The following CDK17 variants were observed in gnomAD, a reference collection of about 807,000 sequenced individuals.
The protein encoded by CDK17 is cyclin-dependent kinase 17.
CDK17 carries 24 observed loss-of-function variants against 77.6 expected under a neutral mutation model. The ratio of observed to expected loss-of-function variants is 0.31; its 90% CI spans 0.22 to 0.44. CDK17 has a LOEUF of 0.44. CDK17 is among the 20% of genes least tolerant of loss of function. The probability of loss-of-function intolerance (pLI) is 1.00; values close to 1 mark genes in which losing one functional copy is unlikely to be tolerated. For synonymous variants in CDK17, 203 were observed against 210.4 expected (o/e 0.96, Z 0.30); for missense variants, 429 against 622.5 (o/e 0.69, Z 3.31).
chr12:96,308,731 A>T (rs201014913), intron 5 of CDK17, among the ~76,000 whole-genome samples: 7 of 132,572 alleles, frequency 5.3e-5, no homozygotes, highest in Non-Finnish European at 9.6e-5. Flanking sequence ...CCGTCTCCAA[A>T]AATAATAATA....
At chr12:96,379,561 G>C (rs1953842538) in intron 1 of CDK17, among the ~76,000 whole-genome samples, 1 of 151,828 alleles carries the variant, frequency 6.6e-6, no homozygotes, top group Non-Finnish European at 1.5e-5. Context: ...GAGTAACTAG[G>C]ACTGCAGGCA....
Position 96,316,632 on chromosome 12 carries a change from A to G in CDK17, c.284-3178T>C, listed in dbSNP as rs572186577. On this transcript the variant is annotated intron_variant, in intron 3 of 16. Transcript: ENST00000261211. ...CTGAGAACGGGCAGACTGCCTCCTC[A>G]AGTGGGTCCCTGACCCCCTGACCCC... Among the ~76,000 whole-genome samples the G allele has an allele frequency of 1.1e-4, 14 of 132,752 alleles. 1 individual carries two copies. Among genetic ancestry groups the G allele is most frequent in the South Asian group, 2.4e-4 (1 of 4,254 alleles). The allele number at this position is 132,752 out of a possible 152,430, so 87.1% of individuals were successfully genotyped here. A position where few individuals can be genotyped will look rare whatever the true frequency, so the allele number is the denominator to read the frequency against.
intron 2 of CDK17, among the ~76,000 whole-genome samples, chr12:96,329,010 T>G (rs1045590643): frequency 2.0e-5 from 3 of 152,186 alleles, no homozygotes; most frequent in Admixed American, 6.5e-5. Context: ...ATGGAAACCT[T>G]GGCGACAATA....
chr12:96,288,825 A>G (rs1346335092), intron 11 of CDK17, among the ~76,000 whole-genome samples: 1 of 152,210 alleles, frequency 6.6e-6, no homozygotes, highest in East Asian at 1.9e-4. Flanking sequence ...TATGTATCAG[A>G]TACTCTTGAG....
rs147377452 is a variant in CDK17, at chr12:96,361,834, T to C, written c.-29-26969A>G. On this transcript the variant is annotated intron_variant, in intron 1 of 16. Coordinates refer to ENST00000261211, the MANE Select transcript of CDK17 (RefSeq NM_002595.5). ...TGTGAAAACTTGAAACTCTCACTTA[T>C]TCAAAAATCATCAGAAGAGAAGATT... 1.7e-3 allele frequency among the ~76,000 whole-genome samples: 262 copies of C among 152,356 alleles called. 4 individuals are homozygous for C. Among genetic ancestry groups the C allele is most frequent in the Admixed American group, 0.011 (176 of 15,306 alleles).
chr12:96,381,231 C>T (rs900990863), intron 1 of CDK17, among the ~76,000 whole-genome samples: 27 of 152,274 alleles, frequency 1.8e-4, no homozygotes, highest in Non-Finnish European at 1.3e-4. Flanking sequence ...GATAACATTT[C>T]AAGGGCGATA....
intron 1 of CDK17, among the ~76,000 whole-genome samples, chr12:96,350,536 T>G (rs545052121): frequency 6.6e-6 from 1 of 152,210 alleles, no homozygotes; most frequent in South Asian, 2.1e-4. Context: ...TAGATATATA[T>G]AGACCAACAG....
chr12:96,338,846 GCA>G (rs1953084144), intron 1 of CDK17, among the ~76,000 whole-genome samples: 1 of 150,516 alleles, frequency 6.6e-6, no homozygotes, highest in Non-Finnish European at 1.5e-5. Context: ...ATTTTTAAGT[GCA>G]GTTTCAGTGG....
intron 1 of CDK17, among the ~76,000 whole-genome samples, chr12:96,347,579 AGGGGAGGGG>A (rs1953235515): frequency 1.8e-5 from 1 of 54,800 alleles, no homozygotes; most frequent in East Asian, 6.5e-4. Context: ...AAGGGAAGGG[AGGGGAGGGG>A]AGGGGAAGGG....
At chr12:96,341,421 T>C (rs774390366) in intron 1 of CDK17, among the ~76,000 whole-genome samples, 1 of 152,108 alleles carries the variant, frequency 6.6e-6, no homozygotes, top group East Asian at 1.9e-4. Context: ...CTTTTTGTAA[T>C]ACTTAGATCA....
intron 10 of CDK17, among the ~76,000 whole-genome samples, chr12:96,291,474 T>C (rs1283753031): frequency 2.6e-5 from 4 of 152,086 alleles, no homozygotes; most frequent in East Asian, 3.9e-4. Flanking sequence ...AAATTTTTTA[T>C]AGAGGCAGGT....
At chr12:96,281,368 C>T (rs1026509563) in intron 15 of CDK17, among the ~76,000 whole-genome samples, 2 of 152,168 alleles carry the variant, frequency 1.3e-5, no homozygotes, top group Non-Finnish European at 2.9e-5. Context: ...TAATGAAACA[C>T]AAATACCTTT....
intron 5 of CDK17, among the ~76,000 whole-genome samples, chr12:96,309,214 C>T (rs1464268482): frequency 1.3e-5 from 2 of 152,192 alleles, no homozygotes; most frequent in Admixed American, 6.5e-5. Context: ...AACATGACAT[C>T]TACACCCAAA....
chr12:96,394,118 C>T (rs982537946), intron 1 of CDK17, among the ~76,000 whole-genome samples: 2 of 151,656 alleles, frequency 1.3e-5, no homozygotes, highest in Non-Finnish European at 1.5e-5. Context: ...TGGTGGTGCA[C>T]GCCTGTAATC....
chr12:96,308,971 TTCTC>T (rs540708375), intron 5 of CDK17, among the ~76,000 whole-genome samples: 89 of 152,182 alleles, frequency 5.8e-4, no homozygotes, highest in African/African-American at 1.9e-3. Flanking sequence ...CCTCTAGTCT[TTCTC>T]TCTAATTCAT....
intron 1 of CDK17, among the ~76,000 whole-genome samples, chr12:96,368,600 C>T (rs1432179633): frequency 6.6e-6 from 1 of 152,094 alleles, no homozygotes; most frequent in Non-Finnish European, 1.5e-5. Flanking sequence ...TTTCAGTTCC[C>T]TAATAAGTAA....
chr12:96,395,342 T>C (rs1374731612), intron 1 of CDK17, among the ~76,000 whole-genome samples: 1 of 152,228 alleles, frequency 6.6e-6, no homozygotes, highest in African/African-American at 2.4e-5. Flanking sequence ...TCATTGTTTA[T>C]AGAGTGCAGA....
chr12:96,316,506 C>T (rs1281163418), intron 3 of CDK17, among the ~76,000 whole-genome samples: 1 of 149,044 alleles, frequency 6.7e-6, no homozygotes, highest in African/African-American at 2.5e-5. Context: ...GGGGGCAGGG[C>T]ACAGACAAAC....
chr12:96,315,805 C>T (rs1347162698), intron 3 of CDK17, among the ~76,000 whole-genome samples: 1 of 152,096 alleles, frequency 6.6e-6, no homozygotes, highest in African/African-American at 2.4e-5. Context: ...GAGAAGGTCC[C>T]TGGGTTTACC....
Sources: gnomAD v4.1 joint callset for allele counts (sites outside exome capture counted in the v4.1 genomes callset) on GRCh38, gnomAD v4.1.1 for gene constraint, MANE v1.5 for transcripts, NCBI Gene and HGNC (gene_info 2026-07-23, HGNC 2026-07-21) for gene names.